Variants in NMT2 observed in about 807,000 individuals in gnomAD.
NMT2 encodes glycylpeptide N-tetradecanoyltransferase 2.
A neutral mutation model predicts 65.4 loss-of-function variants in NMT2; 35 were observed. That is an observed-to-expected ratio of 0.54 (90% CI 0.41 to 0.71). The LOEUF is 0.71. Among genes scored for constraint, NMT2 ranks in the 30% least tolerant of loss-of-function variants. NMT2 has a pLI of 0.00. For synonymous variants in NMT2, 226 were observed against 231.8 expected (o/e 0.98, Z 0.23); for missense variants, 489 against 611.3 (o/e 0.80, Z 2.11).
rs1286315212 is a variant in NMT2, at chr10:15,130,303, C to A, written c.729G>T (p.Lys243Asn). 24 of 1,580,316 alleles carry A rather than the reference C, an allele frequency of 1.5e-5. No homozygotes were observed. The highest frequency in any genetic ancestry group is 2.0e-5 in the Non-Finnish European group (23 of 1,162,846). Residue 243 changes from lysine (K) to asparagine (N), a missense_variant, in exon 7 of 12, where the codon AAG becomes AAT. Lys to Asn is a moderately conservative substitution (Grantham distance 94, BLOSUM62 0). Transcript: ENST00000378165. ...CACAAAGAAAGTTGATTTCTACCAT[C>A]TTCTTCACACTAAGAAATAAAGATG... ...ANIRIYDSVK[K>N]MVEINFLCVH...
intron 2 of NMT2, 171 bp downstream of exon 2, chr10:15,141,251 G>T: frequency 1.1e-6 from 1 of 898,232 alleles, no homozygotes; most frequent in Non-Finnish European, 1.7e-6. Flanking sequence ...TCGTTATTTG[G>T]GTGCCAAAGT....
At chr10:15,161,558 C>T (rs1833199588) in intron 1 of NMT2, among the ~76,000 whole-genome samples, 1 of 152,048 alleles carries the variant, frequency 6.6e-6, no homozygotes, top group African/African-American at 2.4e-5. Flanking sequence ...TGGGGTTTCA[C>T]CATGTTGTCC....
rs769138952 is a variant in NMT2, at chr10:15,119,412, C to T, written c.1101G>A (p.Val367=). The T allele has an allele frequency of 1.2e-6, 2 of 1,614,186 alleles. No homozygotes were observed. The highest frequency in any genetic ancestry group is 1.1e-5 in the South Asian group (1 of 91,078). ...AGTGGGCTACTTCCTCTTCATCCAT[C>T]ACTGGAGCCAGATGAAACTGCTTCA... The part of the protein sequence containing the change: ...TYLKQFHLAP[V]MDEEEVAHWF... The change falls in exon 9 of 12, where the codon GTG becomes GTA. Residue 367 remains valine, a synonymous_variant. Transcript: ENST00000378165.
intron 1 of NMT2, among the ~76,000 whole-genome samples, chr10:15,160,689 G>T (rs745665036): frequency 6.6e-6 from 1 of 151,992 alleles, no homozygotes; most frequent in Non-Finnish European, 1.5e-5. Context: ...CAGGAGAATC[G>T]CTTGAACCTG....
intron 1 of NMT2, chr10:15,168,214 G>T: frequency 3.4e-6 from 1 of 291,862 alleles, no homozygotes; most frequent in Non-Finnish European, 6.3e-6. Flanking sequence ...GGGCCAGGCC[G>T]CCGGCGGGGA....
intron 1 of NMT2, among the ~76,000 whole-genome samples, chr10:15,142,903 G>T (rs780101755): frequency 2.0e-5 from 3 of 152,174 alleles, no homozygotes; most frequent in Non-Finnish European, 2.9e-5. Flanking sequence ...TTGGGAGTAG[G>T]ACTATTTTAG....
intron 10 of NMT2, among the ~76,000 whole-genome samples, chr10:15,111,093 C>T (rs1457959250): frequency 1.3e-5 from 2 of 151,986 alleles, no homozygotes; most frequent in South Asian, 2.1e-4. Flanking sequence ...CACCCAGCCT[C>T]GTTCTTGTTT....
At chr10:15,165,626 C>T (rs957359895) in intron 1 of NMT2, among the ~76,000 whole-genome samples, 2 of 151,992 alleles carry the variant, frequency 1.3e-5, no homozygotes, top group Non-Finnish European at 2.9e-5. Flanking sequence ...ACCTGTAATC[C>T]CAGCACTTTG....
At chr10:15,168,451 C>T (rs992733518) in intron 1 of NMT2, 52 bp downstream of exon 1, 15 of 1,370,450 alleles carry the variant, frequency 1.1e-5, no homozygotes, top group South Asian at 5.9e-5. Flanking sequence ...GAGACCGTGG[C>T]GCGCGCGGTC....
intron 1 of NMT2, among the ~76,000 whole-genome samples, chr10:15,145,690 G>A (rs1174882253): frequency 2.0e-5 from 3 of 152,044 alleles, no homozygotes; most frequent in Non-Finnish European, 2.9e-5. Context: ...TGAATGGTAT[G>A]CTTTAAATGA....
At chr10:15,141,199 A>T (rs1457964575) in intron 2 of NMT2, 2 of 795,256 alleles carry the variant, frequency 2.5e-6, no homozygotes, top group Non-Finnish European at 4.0e-6. Context: ...AGGGAAAAAC[A>T]CAGCAGGTAT....
In NMT2 at chr10:15,135,359, G is replaced by A. The variant is rs770589544; in HGVS notation, c.306C>T (p.Ser102=). Residue 102 remains serine (S), a synonymous_variant, in exon 3 of 12, where the codon TCC becomes TCT. Coordinates refer to ENST00000378165, the MANE Select transcript of NMT2 (RefSeq NM_004808.3). Reference sequence around the variant, plus strand: ...TGTTCCTGGCTGGGCCCTGGCATGCGGATAGCAGCTCCATTGCTCTCTGGA... The same window carrying A: ...TGTTCCTGGCTGGGCCCTGGCATGCAGATAGCAGCTCCATTGCTCTCTGGA... ...QDIQRAMELL[S]ACQGPARNID... is the part of the protein sequence containing the mutation. 2.8e-5 allele frequency: 45 copies of A among 1,613,976 alleles called. No homozygotes were observed. The highest frequency in any genetic ancestry group is 6.6e-5 in the South Asian group (6 of 91,086).
rs112463294 is a variant in NMT2 at position 15,159,396 on chromosome 10, A to ATATTTATTTATTTATTTATTTATT, written c.110+9083_110+9106dup. Among the ~76,000 whole-genome samples, 406 of 149,318 alleles carry ATATTTATTTATTTATTTATTTATT rather than the reference A, an allele frequency of 2.7e-3. 5 individuals carry two copies. The highest frequency in any genetic ancestry group is 9.4e-3 in the East Asian group (48 of 5,104). On this transcript the variant is annotated intron_variant, in intron 1 of 11. Coordinates refer to ENST00000378165, the MANE Select transcript of NMT2 (RefSeq NM_004808.3). ...TATATTTAAATAAAACCTCCTTAAAATATTTATTTATTTATTTATTTATTT... is the reference window on the plus strand; with the variant it reads ...TATATTTAAATAAAACCTCCTTAAAATATTTATTTATTTATTTATTTATTTATTTATTTATTTATTTATTTATTT...
intron 2 of NMT2, among the ~76,000 whole-genome samples, chr10:15,137,249 C>T (rs574015096): frequency 6.6e-6 from 1 of 152,138 alleles, no homozygotes; most frequent in South Asian, 2.1e-4. Flanking sequence ...CCTAAGGAAA[C>T]GAAGTTCTGA....
intron 2 of NMT2, among the ~76,000 whole-genome samples, 155 bp from the exon 3 acceptor site, chr10:15,135,573 T>G (rs1426828943): frequency 6.6e-6 from 1 of 152,200 alleles, no homozygotes; most frequent in Non-Finnish European, 1.5e-5. Context: ...GTGTTACACA[T>G]GAAAATAGAA....
chr10:15,161,081 CAAAAAAAA>C (rs750859200), intron 1 of NMT2, among the ~76,000 whole-genome samples: 15 of 19,280 alleles, frequency 7.8e-4, no homozygotes, highest in African/African-American at 2.1e-3. Context: ...CCTCAAAAAT[CAAAAAAAA>C]AAAAAAAAAA....
chr10:15,168,607 C>T lies in NMT2; in HGVS notation c.6G>A (p.Ala2=). 6.3e-7 allele frequency: 1 copy of T among 1,578,946 alleles called. No homozygotes were observed. Among genetic ancestry groups the T allele is most frequent in the Non-Finnish European group, 8.6e-7 (1 of 1,168,442 alleles). Residue 2 remains alanine (A), a synonymous_variant, in exon 1 of 12, where the codon GCG becomes GCA. Coordinates refer to ENST00000378165, the MANE Select transcript of NMT2 (RefSeq NM_004808.3). ...GGCTGGCCGCAGACTCGCTGTCCTC[C>T]GCCATCGCGGCGGCGCTGGCTGGGG... is the stretch of plus-strand genomic sequence containing the variant. M[A]EDSESAASQQ... is the part of the protein sequence containing the mutation.
chr10:15,151,517 C>T (rs1018173191), intron 1 of NMT2, among the ~76,000 whole-genome samples: 1 of 152,140 alleles, frequency 6.6e-6, no homozygotes, highest in Non-Finnish European at 1.5e-5. Context: ...TAAGACCTGG[C>T]TTTGTAGACA....
chr10:15,124,638 T>C (rs1190283838), intron 8 of NMT2, among the ~76,000 whole-genome samples: 1 of 152,218 alleles, frequency 6.6e-6, no homozygotes, highest in African/African-American at 2.4e-5. Context: ...GCTTTTACGC[T>C]GAATGGTACA....
Sources: allele counts gnomAD v4.1 joint callset (sites outside exome capture counted in the v4.1 genomes callset), GRCh38; gene constraint gnomAD v4.1.1; transcripts MANE v1.5; gene names NCBI Gene and HGNC (gene_info 2026-07-23, HGNC 2026-07-21).